CFB: variants seen among roughly 807,000 people sequenced by gnomAD.
CFB encodes the protein B-factor, properdin.
A neutral mutation model predicts 97.2 loss-of-function variants in CFB; 59 were observed. That is an observed-to-expected ratio of 0.61 (90% CI 0.49 to 0.75). CFB has a LOEUF of 0.75. CFB is among the 30% of genes least tolerant of loss of function. The probability of loss-of-function intolerance (pLI) is 0.00; values close to 1 mark genes in which losing one functional copy is unlikely to be tolerated. For missense variants in CFB, 771 were observed against 959.8 expected (o/e 0.80, Z 2.60); for synonymous variants, 316 against 351.7 (o/e 0.90, Z 1.14).
intron 10 of CFB, 169 bp downstream of exon 10, chr6:31,949,726 G>C: frequency 1.2e-6 from 1 of 858,820 alleles, no homozygotes; most frequent in Middle Eastern, 2.7e-4. Flanking sequence ...CTTAACCTTA[G>C]AATCACAGAG....
Position 31,950,743 on chromosome 6 carries a change from G to A in CFB, c.1749G>A (p.Lys583=), listed in dbSNP as rs2151787156. ...YDYDVALIKL[K]NKLKYGQTIR... ...ATGACGTTGCCCTGATCAAGCTCAAGAATAAGCTGAAATATGGCCAGACTA... is the reference window on the plus strand; with the variant it reads ...ATGACGTTGCCCTGATCAAGCTCAAAAATAAGCTGAAATATGGCCAGACTA... The change falls in exon 13 of 18, where the codon AAG becomes AAA. Residue 583 remains lysine (K), a synonymous_variant. Transcript: ENST00000425368. The A allele has an allele frequency of 1.2e-6, 2 of 1,613,078 alleles. No individual in the cohort carries two copies.
intron 12 of CFB, 101 bp from the exon 13 acceptor site, chr6:31,950,518 C>A (rs1396040296): frequency 6.3e-7 from 1 of 1,586,936 alleles, no homozygotes; most frequent in Middle Eastern, 1.7e-4. Flanking sequence ...CCTTGCACCC[C>A]AGACCAGTCA....
chr6:31,948,216 C>G, intron 6 of CFB, 135 bp downstream of exon 6: 1 of 1,500,606 alleles, frequency 6.7e-7, no homozygotes, highest in Non-Finnish European at 9.1e-7. Flanking sequence ...TCCTCCTTCC[C>G]TTTTACTTGA....
Position 31,947,209 on chromosome 6 carries a change from C to G in CFB, c.484+17C>G. On this transcript the variant is annotated intron_variant, in intron 3 of 17. Coordinates refer to ENST00000425368, the MANE Select transcript of CFB (RefSeq NM_001710.6). This position sits in a 1 kb window ranked among gnomAD's most constrained non-coding sequence, Gnocchi z 5.3. The stretch of plus-strand genomic sequence containing the variant: ...ACAACGGAGGTGAGAAGCATCCCCT[C>G]CCCCTACATTGCTGTCTCCCTGACG... 1 of 1,612,584 alleles carries G rather than the reference C, an allele frequency of 6.2e-7. No individual in the cohort carries two copies. Among genetic ancestry groups the G allele is most frequent in the South Asian group, 1.1e-5 (1 of 91,072 alleles).
At position 31,947,658 on chromosome 6, in the gene CFB, C is replaced by A. The variant is rs1246028521; in HGVS notation, c.659-84C>A. 1.3e-6 allele frequency: 2 copies of A among 1,577,170 alleles called. No homozygotes were observed. The highest frequency in any genetic ancestry group is 2.2e-5 in the East Asian group (1 of 44,686). On this transcript the variant is annotated intron_variant, in intron 4 of 17. Transcript: ENST00000425368. The surrounding 1 kb of genome is among the most constrained non-coding windows in gnomAD (Gnocchi z 5.3). ...TATCTCACTTCTGAGCCTTTTATAC[C>A]CTGGAAACCCATGATCCCCCGTCTC...
intron 12 of CFB, 84 bp downstream of exon 12, chr6:31,950,487 C>T (rs927961438): frequency 6.4e-7 from 1 of 1,557,670 alleles, no homozygotes; most frequent in East Asian, 2.2e-5. Context: ...ACACTCCACC[C>T]ATCCTCAATG....
At position 31,950,381 on chromosome 6, in the gene CFB, ACACT is replaced by A; in HGVS notation, c.1605_1608del (p.His535GlnfsTer6). Reference sequence around the variant, plus strand: ...ATTGTTTCACTGTGGATGACAAGGAACACTCAATCAAGGTCAGCGTAGGTAAGGA... The same window carrying A: ...ATTGTTTCACTGTGGATGACAAGGAACAATCAAGGTCAGCGTAGGTAAGGA... On this transcript the variant is annotated frameshift_variant, in exon 12 of 18. Transcript: ENST00000425368. LOFTEE classifies it high-confidence loss of function. The A allele has an allele frequency of 6.2e-7, 1 of 1,612,980 alleles. No homozygotes were observed. The highest frequency in any genetic ancestry group is 1.1e-5 in the South Asian group (1 of 91,086).
Position 31,951,879 on chromosome 6 carries a change from G to C in CFB, c.2144G>C (p.Gly715Ala), listed in dbSNP as rs748335294. 1 of 1,613,244 alleles carries C rather than the reference G, an allele frequency of 6.2e-7. No individual in the cohort carries two copies. Among genetic ancestry groups the C allele is most frequent in the South Asian group, 1.1e-5 (1 of 91,084 alleles). ...VHKRSRFIQV[G>A]VISWGVVDVC... is the part of the protein sequence containing the mutation. ...GGCACCCCACTGCCTCTGCAGGTTG[G>C]TGTAATCAGCTGGGGAGTAGTGGAT... Residue 715 changes from glycine to alanine, a missense_variant, in exon 18 of 18, where the codon GGT becomes GCT. Physicochemically the swap from Gly to Ala is moderately conservative, Grantham distance 60. Coordinates refer to ENST00000425368, the MANE Select transcript of CFB (RefSeq NM_001710.6). The surrounding 1 kb of genome is among the most constrained non-coding windows in gnomAD (Gnocchi z 4.3).
intron 8 of CFB, 123 bp from the exon 9 acceptor site, chr6:31,949,120 C>A: frequency 7.0e-7 from 1 of 1,429,530 alleles, no homozygotes; most frequent in Non-Finnish European, 9.7e-7. Flanking sequence ...GGAATTCTTC[C>A]TAAGCCCTGT....
Position 31,949,405 on chromosome 6 carries a change from C to A in CFB, c.1271-15C>A. 1.2e-6 allele frequency: 2 copies of A among 1,614,210 alleles called. No homozygotes were observed. Among genetic ancestry groups the A allele is most frequent in the Non-Finnish European group, 1.7e-6 (2 of 1,180,042 alleles). The stretch of plus-strand genomic sequence containing the variant: ...CTCAGGGCTTGGACCCTCATCCTTC[C>A]TTTTTATCCCTCAGATGTCTATGTG... On this transcript the variant is annotated splice_polypyrimidine_tract_variant and intron_variant, in intron 9 of 17. Transcript: ENST00000425368.
At chr6:31,949,391 G>C (rs769658648) in intron 9 of CFB, 29 bp from the exon 10 acceptor site, 1 of 1,614,196 alleles carries the variant, frequency 6.2e-7, no homozygotes. Flanking sequence ...TCAGGGCTTG[G>C]ACCCTCATCC....
Position 31,948,483 on chromosome 6 carries a change from C to T in CFB, c.1007C>T (p.Thr336Met), listed in dbSNP as rs534721289. ...GACAGCAGTAATGCAGACTGGGTCA[C>T]GAAGCAGCTCAATGAAATCAATTAT... ...EADSSNADWV[T>M]KQLNEINYED... Residue 336 changes from threonine to methionine, a missense_variant, in exon 7 of 18, where the codon ACG becomes ATG. By Grantham distance (81) the Thr-to-Met change is moderately conservative. Coordinates refer to ENST00000425368, the MANE Select transcript of CFB (RefSeq NM_001710.6). 6.2e-6 allele frequency: 10 copies of T among 1,613,952 alleles called. No homozygotes were observed. Among genetic ancestry groups the T allele is most frequent in the East Asian group, 2.2e-5 (1 of 44,888 alleles).
intron 6 of CFB, 74 bp downstream of exon 6, chr6:31,948,155 C>A (rs1771553811): frequency 6.3e-7 from 1 of 1,585,148 alleles, no homozygotes; most frequent in African/African-American, 1.3e-5. Context: ...CCTGATCATT[C>A]CAGCCCCTCT....
Position 31,947,581 on chromosome 6 carries a change from C to A in CFB, c.658+60C>A. ...GGTCTTCCATCCTACTGTCTTCTCT[C>A]CCCACCTCAACCCTGCTCTTTCCTC... On this transcript the variant is annotated intron_variant, in intron 4 of 17. Coordinates refer to ENST00000425368, the MANE Select transcript of CFB (RefSeq NM_001710.6). The surrounding 1 kb of genome is among the most constrained non-coding windows in gnomAD (Gnocchi z 5.3). The A allele has an allele frequency of 1.2e-6, 2 of 1,603,844 alleles. No homozygotes were observed. Among genetic ancestry groups the A allele is most frequent in the Non-Finnish European group, 1.7e-6 (2 of 1,172,116 alleles).
Position 31,947,879 on chromosome 6 carries a change from TG to T in CFB, c.760+41del, listed in dbSNP as rs756865629. ...AGAGAAGGGAGGCAGGGCAGGGAACTGGGGGAAAATGGAGAAGGGACAGAAC... is the reference window on the plus strand; with the variant it reads ...AGAGAAGGGAGGCAGGGCAGGGAACTGGGGAAAATGGAGAAGGGACAGAAC... On this transcript the variant is annotated intron_variant, in intron 5 of 17. Coordinates refer to ENST00000425368, the MANE Select transcript of CFB (RefSeq NM_001710.6). The surrounding 1 kb of genome is among the most constrained non-coding windows in gnomAD (Gnocchi z 5.3). 5.6e-6 allele frequency: 9 copies of T among 1,613,930 alleles called. No individual in the cohort carries two copies. The East Asian group carries it at 2.0e-4, about 36-fold the overall frequency.
Position 31,946,897 on chromosome 6 carries a change from G to A in CFB, c.299-110G>A, listed in dbSNP as rs1771457917. 9 of 1,139,556 alleles carry A rather than the reference G, an allele frequency of 7.9e-6. No individual in the cohort carries two copies. The highest frequency in any genetic ancestry group is 2.4e-5 in the East Asian group (1 of 41,484). The allele number at this position is 1,139,556 out of a possible 1,614,324, so 70.6% of individuals were successfully genotyped here. On this transcript the variant is annotated intron_variant, in intron 2 of 17. Coordinates refer to ENST00000425368, the MANE Select transcript of CFB (RefSeq NM_001710.6). The surrounding 1 kb of genome is among the most constrained non-coding windows in gnomAD (Gnocchi z 6.4). ...GGAGTAGGTAAGATGCTGCTTCTGC[G>A]GGACTGGGAATGCGCTGTTTCTCAG...
Position 31,948,362 on chromosome 6 carries a change from C to T in CFB, c.898-12C>T. The T allele has an allele frequency of 6.2e-7, 1 of 1,614,204 alleles. No homozygotes were observed. The highest frequency in any genetic ancestry group is 8.5e-7 in the Non-Finnish European group (1 of 1,180,026). ...TTTCAATGCCATGGCGCCTTGTTCT[C>T]CTCACCCACAGGTGGCAAGTTATGG... is the stretch of plus-strand genomic sequence containing the variant. On this transcript the variant is annotated splice_polypyrimidine_tract_variant and intron_variant, in intron 6 of 17. Transcript: ENST00000425368.
chr6:31,946,778 C>A lies in CFB; in HGVS notation c.298+172C>A. The A allele has an allele frequency of 1.3e-6, 1 of 797,722 alleles. No individual in the cohort carries two copies. The highest frequency in any genetic ancestry group is 2.1e-6 in the Non-Finnish European group (1 of 474,482). The allele number at this position is 797,722 out of a possible 1,614,324, so 49.4% of individuals were successfully genotyped here. A position where few individuals can be genotyped will look rare whatever the true frequency, so the allele number is the denominator to read the frequency against. The stretch of plus-strand genomic sequence containing the variant: ...CAAGAAAAAGCGGAGTTAACCCTTA[C>A]TAAGCATTTACCCTGGGCTTCCAGG... On this transcript the variant is annotated intron_variant, in intron 2 of 17. Coordinates refer to ENST00000425368, the MANE Select transcript of CFB (RefSeq NM_001710.6). This position sits in a 1 kb window ranked among gnomAD's most constrained non-coding sequence, Gnocchi z 6.4.
At position 31,951,046 on chromosome 6, in the gene CFB, AG is replaced by A. The variant is rs1771728866; in HGVS notation, c.1856-97del. On this transcript the variant is annotated intron_variant, in intron 14 of 17. Coordinates refer to ENST00000425368, the MANE Select transcript of CFB (RefSeq NM_001710.6). This position sits in a 1 kb window ranked among gnomAD's most constrained non-coding sequence, Gnocchi z 4.3. ...AGAGATGATGCCTGGCCCAGAACCT[AG>A]CTCTAGAAGGGCTTAGGGGACATCT... 4 of 1,568,004 alleles carry A rather than the reference AG, an allele frequency of 2.6e-6. No homozygotes were observed. In the Middle Eastern group the frequency reaches 6.2e-4, roughly 241 times the overall value.
Sources: gnomAD v4.1 joint callset for allele counts on GRCh38, gnomAD v4.1.1 for gene constraint, Gnocchi (gnomAD v3.1) non-coding constraint, MANE v1.5 for transcripts, NCBI Gene and HGNC (gene_info 2026-07-23, HGNC 2026-07-21) for gene names.